The following PRRG1 variants were observed in gnomAD, a reference collection of about 807,000 sequenced individuals.
The protein encoded by PRRG1 is proline rich and Gla domain 1, also known as transmembrane gamma-carboxyglutamic acid protein 1.
A neutral mutation model predicts 11.8 loss-of-function variants in PRRG1; 5 were observed. The observed-to-expected ratio is 0.42, with a 90% CI of 0.22 to 0.89. The LOEUF (loss-of-function observed/expected upper bound fraction) is 0.89, where lower values mean the gene tolerates loss of function less well. Ranked by LOEUF, PRRG1 falls within the 40% of genes least tolerant of loss-of-function variation. PRRG1 has a pLI of 0.28. For missense variants in PRRG1, 155 were observed against 166.1 expected (o/e 0.93, Z 0.37); for synonymous variants, 66 against 60.4 (o/e 1.09, Z -0.43).
intron 1 of PRRG1, among the ~76,000 whole-genome samples, chrX:37,373,678 A>T (rs958041942): frequency 9.0e-6 from 1 of 111,725 alleles, no homozygotes; most frequent in Non-Finnish European, 1.9e-5. Flanking sequence ...TTTGTTTATT[A>T]CTTCTAACAG....
At chrX:37,368,710 T>A (rs782439702) in intron 1 of PRRG1, among the ~76,000 whole-genome samples, 1 of 111,870 alleles carries the variant, frequency 8.9e-6, no homozygotes, top group Non-Finnish European at 1.9e-5. Flanking sequence ...TGTTTTTTTT[T>A]ATTTTCTACA....
At chrX:37,411,387 G>A (rs1438035136) in intron 2 of PRRG1, among the ~76,000 whole-genome samples, 1 of 111,507 alleles carries the variant, frequency 9.0e-6, no homozygotes, top group Non-Finnish European at 1.9e-5. Flanking sequence ...ATGGTAATTA[G>A]AACTATATTT....
chrX:37,427,981 G>A (rs1362549554), intron 3 of PRRG1, among the ~76,000 whole-genome samples: 1 of 111,595 alleles, frequency 9.0e-6, no homozygotes, highest in Non-Finnish European at 1.9e-5. Context: ...AAGAGAAAAT[G>A]AGGAAGAAGC....
chrX:37,416,123 C>T (rs984296278), intron 2 of PRRG1, among the ~76,000 whole-genome samples: 6 of 112,051 alleles, frequency 5.4e-5, no homozygotes, highest in Non-Finnish European at 1.1e-4. Context: ...GCACTAAACT[C>T]CTCAATGAAA....
intron 1 of PRRG1, among the ~76,000 whole-genome samples, chrX:37,387,938 G>T (rs1556375623): frequency 1.8e-5 from 2 of 112,058 alleles, no homozygotes; most frequent in African/African-American, 6.5e-5. Flanking sequence ...TAAAATGGGG[G>T]TATAGGCATT....
chrX:37,352,062 C>A (rs1556364988), intron 1 of PRRG1, among the ~76,000 whole-genome samples: 1 of 112,501 alleles, frequency 8.9e-6, no homozygotes, highest in African/African-American at 3.2e-5. Context: ...CTTCCAGTTA[C>A]CTCTGGCTCC....
intron 1 of PRRG1, among the ~76,000 whole-genome samples, chrX:37,380,757 C>T (rs782714701): frequency 9.0e-6 from 1 of 111,464 alleles, no homozygotes; most frequent in Admixed American, 9.5e-5. Flanking sequence ...AGAAAATGTT[C>T]CCTCCACCCA....
At chrX:37,413,887 G>A (rs1556384514) in intron 2 of PRRG1, among the ~76,000 whole-genome samples, 1 of 111,952 alleles carries the variant, frequency 8.9e-6, no homozygotes, top group African/African-American at 3.2e-5. Flanking sequence ...GTTACTTACA[G>A]TATTCACTGT....
At position 37,425,871 on chromosome X, in the gene PRRG1, A is replaced by G. The variant is rs782164102; in HGVS notation, c.42A>G (p.Ile14Met). Reference sequence around the variant, plus strand: ...TCACGGGAGAAAAAGCCAATTCCATATTAAAACGCTACCCAAGAGCTAATG... The same window carrying G: ...TCACGGGAGAAAAAGCCAATTCCATGTTAAAACGCTACCCAAGAGCTAATG... ...VFLTGEKANS[I>M]LKRYPRANGF... Residue 14 changes from isoleucine to methionine, a missense_variant, in exon 3 of 4, where the codon ATA (isoleucine) becomes ATG (methionine). Physicochemically the swap from Ile to Met is conservative, Grantham distance 10 (BLOSUM62 1). Coordinates refer to ENST00000378628, the MANE Select transcript of PRRG1 (RefSeq NM_001142395.2). The G allele has an allele frequency of 5.0e-6, 6 of 1,197,075 alleles. No individual in the cohort carries two copies. Among genetic ancestry groups the G allele is most frequent in the Non-Finnish European group, 6.8e-6 (6 of 888,828 alleles).
chrX:37,395,980 A>G (rs186475391), intron 1 of PRRG1, among the ~76,000 whole-genome samples: 28 of 112,074 alleles, frequency 2.5e-4, no homozygotes, highest in Non-Finnish European at 1.9e-5. Flanking sequence ...AAATTGATAT[A>G]AAGTCAGTCT....
chrX:37,433,242 A>G, intron 3 of PRRG1, among the ~76,000 whole-genome samples: 1 of 111,471 alleles, frequency 9.0e-6, no homozygotes, highest in Non-Finnish European at 1.9e-5. Context: ...GTACTACACA[A>G]TCAGTCCTCA....
intron 3 of PRRG1, among the ~76,000 whole-genome samples, chrX:37,434,451 T>A (rs188634876): frequency 1.5e-3 from 172 of 112,156 alleles, no homozygotes; most frequent in African/African-American, 5.0e-3. Context: ...TATATGAGCA[T>A]GCTGTAAACC....
chrX:37,444,693 C>T (rs890261762), intron 3 of PRRG1, among the ~76,000 whole-genome samples: 10 of 111,231 alleles, frequency 9.0e-5, no homozygotes, highest in African/African-American at 3.3e-4. Context: ...TACATTAGCA[C>T]TGTATTTCTA....
intron 1 of PRRG1, among the ~76,000 whole-genome samples, chrX:37,395,761 G>T (rs1358864773): frequency 9.0e-6 from 1 of 111,410 alleles, no homozygotes; most frequent in Non-Finnish European, 1.9e-5. Flanking sequence ...TTTCCAAAAG[G>T]TAGATAAAAT....
intron 3 of PRRG1, among the ~76,000 whole-genome samples, chrX:37,451,058 C>T (rs1196965338): frequency 1.9e-5 from 2 of 104,648 alleles, no homozygotes; most frequent in African/African-American, 7.7e-5. Flanking sequence ...GCTCTTGTTG[C>T]CCAGGCTGGA....
chrX:37,395,794 C>T (rs1269980043), intron 1 of PRRG1, among the ~76,000 whole-genome samples: 4 of 111,035 alleles, frequency 3.6e-5, no homozygotes, highest in Non-Finnish European at 7.5e-5. Flanking sequence ...CTATTATTGT[C>T]CCAAATTAAG....
intron 1 of PRRG1, among the ~76,000 whole-genome samples, chrX:37,400,521 G>A (rs1209254271): frequency 9.0e-6 from 1 of 110,951 alleles, no homozygotes; most frequent in Non-Finnish European, 1.9e-5. Flanking sequence ...ATGCCCACAA[G>A]AGAAAGCAGG....
In PRRG1 at chrX:37,376,551, G is replaced by GTGTATATATATATATATATATATA. The variant is rs1556372318; in HGVS notation, c.-42+27157_-42+27158insGTATATATATATATATATATATAT. ...TCAGTGTTTAGTCAGAAATGTGAGT[G>GTGTATATATATATATATATATATA]TATATATATATATATATATATGTGC... is the stretch of plus-strand genomic sequence containing the variant. On this transcript the variant is annotated intron_variant, in intron 1 of 3. Coordinates refer to ENST00000378628, the MANE Select transcript of PRRG1 (RefSeq NM_001142395.2). Among the ~76,000 whole-genome samples the GTGTATATATATATATATATATATA allele has an allele frequency of 7.4e-5, 2 of 26,922 alleles. 1 individual carries two copies. Among genetic ancestry groups the GTGTATATATATATATATATATATA allele is most frequent in the African/African-American group, 1.5e-4 (2 of 12,922 alleles). 23.4% of individuals were successfully genotyped at this position (26,922 alleles called of 115,157 possible). A position where few individuals can be genotyped will look rare whatever the true frequency, so the allele number is the denominator to read the frequency against.
intron 3 of PRRG1, among the ~76,000 whole-genome samples, chrX:37,446,503 T>C (rs1241563553): frequency 8.9e-6 from 1 of 111,971 alleles, no homozygotes; most frequent in African/African-American, 3.2e-5. Context: ...AAGTAAAATA[T>C]ATAAAATGAT....
Sources: allele counts gnomAD v4.1 joint callset (sites outside exome capture counted in the v4.1 genomes callset), GRCh38; gene constraint gnomAD v4.1.1; transcripts MANE v1.5; gene names NCBI Gene and HGNC (gene_info 2026-07-23, HGNC 2026-07-21).